Variants in HS6ST3 observed in about 807,000 individuals in gnomAD.
HS6ST3 encodes the protein heparan-sulfate 6-O-sulfotransferase 3.
A neutral mutation model predicts 36.7 loss-of-function variants in HS6ST3; 12 were observed. The observed-to-expected ratio is 0.33, with a 90% CI of 0.21 to 0.53. HS6ST3 has a LOEUF of 0.53. Among genes scored for constraint, HS6ST3 ranks in the 20% least tolerant of loss-of-function variants. HS6ST3 has a pLI of 0.95. For synonymous variants in HS6ST3, 240 were observed against 257.5 expected (o/e 0.93, Z 0.65); for missense variants, 584 against 640.9 (o/e 0.91, Z 0.96).
intron 1 of HS6ST3, among the ~76,000 whole-genome samples, chr13:96,467,102 C>T (rs763442422): frequency 1.3e-5 from 2 of 152,186 alleles, no homozygotes; most frequent in Non-Finnish European, 2.9e-5. Flanking sequence ...TATGTATAAA[C>T]TTCCCTTCTG....
At chr13:96,706,877 G>A (rs1227282308) in intron 1 of HS6ST3, among the ~76,000 whole-genome samples, 1 of 152,106 alleles carries the variant, frequency 6.6e-6, no homozygotes, top group East Asian at 1.9e-4. Context: ...TTTTAAGCAT[G>A]GGGAGAGGTT....
chr13:96,506,518 G>A (rs540436041), intron 1 of HS6ST3, among the ~76,000 whole-genome samples: 26 of 152,250 alleles, frequency 1.7e-4, no homozygotes, highest in African/African-American at 6.3e-4. Context: ...AAATAGGATA[G>A]GAAACCATCT....
intron 1 of HS6ST3, among the ~76,000 whole-genome samples, chr13:96,444,781 A>G (rs553123141): frequency 5.7e-4 from 87 of 152,340 alleles, no homozygotes; most frequent in Admixed American, 1.8e-3. Context: ...CTATTTATAT[A>G]TGTGATTTCT....
At chr13:96,332,409 T>C (rs2055075915) in intron 1 of HS6ST3, among the ~76,000 whole-genome samples, 1 of 152,216 alleles carries the variant, frequency 6.6e-6, no homozygotes, top group Admixed American at 6.5e-5. Flanking sequence ...CTTATCTTTT[T>C]ATTTTCAGCA....
intron 1 of HS6ST3, among the ~76,000 whole-genome samples, chr13:96,685,049 A>T (rs1874731358): frequency 6.6e-6 from 1 of 152,118 alleles, no homozygotes; most frequent in Non-Finnish European, 1.5e-5. Flanking sequence ...ACATAAATTG[A>T]GTATTCAGAA....
At chr13:96,468,477 TAC>T (rs3051066) in intron 1 of HS6ST3, among the ~76,000 whole-genome samples, 4,485 of 126,310 alleles carry the variant, frequency 0.036, 163 homozygotes, top group African/African-American at 0.084. Context: ...CATACACACA[TAC>T]ACACACACAC....
chr13:96,379,537 A>C (rs1396799125), intron 1 of HS6ST3, among the ~76,000 whole-genome samples: 1 of 152,182 alleles, frequency 6.6e-6, no homozygotes, highest in African/African-American at 2.4e-5. Flanking sequence ...TAAACTACCC[A>C]ATCTATGGGT....
At chr13:96,298,760 A>G (rs2054867460) in intron 1 of HS6ST3, among the ~76,000 whole-genome samples, 1 of 152,168 alleles carries the variant, frequency 6.6e-6, no homozygotes, top group South Asian at 2.1e-4. Context: ...TCCTCTGCCT[A>G]TTTTAAGGGC....
At chr13:96,178,467 C>T (rs944309423) in intron 1 of HS6ST3, among the ~76,000 whole-genome samples, 3 of 151,964 alleles carry the variant, frequency 2.0e-5, no homozygotes, top group African/African-American at 7.3e-5. Flanking sequence ...TTTTCAGGGA[C>T]CAACTTCTAC....
chr13:96,472,882 A>G lies in HS6ST3; in HGVS notation c.708-359608A>G, dbSNP rs138022934. 9.8e-5 allele frequency among the ~76,000 whole-genome samples: 15 copies of G among 152,322 alleles called. No homozygotes were observed. In the East Asian group the frequency reaches 2.7e-3, roughly 27 times the overall value. ...GAAACTTATGAATTATTTATTCATT[A>G]TTATTCATTCACAGTAAGCCTATGT... On this transcript the variant is annotated intron_variant, in intron 1 of 1. Transcript: ENST00000376705.
At chr13:96,370,079 G>A (rs570372384) in intron 1 of HS6ST3, among the ~76,000 whole-genome samples, 1 of 151,978 alleles carries the variant, frequency 6.6e-6, no homozygotes, top group Non-Finnish European at 1.5e-5. Context: ...TGCATATTAG[G>A]ACCATCTGGC....
At chr13:96,248,392 C>A (rs368513893) in intron 1 of HS6ST3, among the ~76,000 whole-genome samples, 7 of 152,266 alleles carry the variant, frequency 4.6e-5, no homozygotes, top group South Asian at 2.1e-4. Context: ...GGGAGCACTT[C>A]TAACTAGTGT....
At chr13:96,212,898 C>T (rs1460029301) in intron 1 of HS6ST3, among the ~76,000 whole-genome samples, 2 of 152,126 alleles carry the variant, frequency 1.3e-5, no homozygotes, top group Non-Finnish European at 2.9e-5. Flanking sequence ...ACTAGATTAA[C>T]TATTGAAAAT....
At chr13:96,207,054 A>G (rs1316074374) in intron 1 of HS6ST3, among the ~76,000 whole-genome samples, 1 of 152,192 alleles carries the variant, frequency 6.6e-6, no homozygotes, top group East Asian at 1.9e-4. Flanking sequence ...TTTGCAATCT[A>G]TCCATCTGAG....
At chr13:96,719,223 G>A (rs1258626140) in intron 1 of HS6ST3, among the ~76,000 whole-genome samples, 4 of 151,176 alleles carry the variant, frequency 2.6e-5, no homozygotes, top group Non-Finnish European at 5.9e-5. Flanking sequence ...GCAGTGAGCC[G>A]AGATCATGCC....
At chr13:96,187,278 A>G (rs1245684599) in intron 1 of HS6ST3, among the ~76,000 whole-genome samples, 2 of 152,244 alleles carry the variant, frequency 1.3e-5, no homozygotes, top group African/African-American at 4.8e-5. Context: ...GAATACCTTT[A>G]CAGCTGAGAA....
chr13:96,301,737 C>A (rs2054883052), intron 1 of HS6ST3, among the ~76,000 whole-genome samples: 1 of 151,692 alleles, frequency 6.6e-6, no homozygotes, highest in Non-Finnish European at 1.5e-5. Context: ...ACTAAAAATA[C>A]AACAAACAAA....
intron 1 of HS6ST3, among the ~76,000 whole-genome samples, chr13:96,107,438 G>C (rs2053846967): frequency 6.6e-6 from 1 of 152,260 alleles, no homozygotes; most frequent in Non-Finnish European, 1.5e-5. Context: ...CAAAAATGAT[G>C]ATAAAAGTAG....
At chr13:96,739,636 C>A (rs903486869) in intron 1 of HS6ST3, among the ~76,000 whole-genome samples, 1 of 152,042 alleles carries the variant, frequency 6.6e-6, no homozygotes, top group Non-Finnish European at 1.5e-5. Flanking sequence ...CATCCAGAAT[C>A]GGACCATTTC....
Sources: allele counts gnomAD v4.1 joint callset (sites outside exome capture counted in the v4.1 genomes callset), GRCh38; gene constraint gnomAD v4.1.1; transcripts MANE v1.5; gene names NCBI Gene and HGNC (gene_info 2026-07-23, HGNC 2026-07-21).